The following KCNN2 variants were observed in gnomAD, a reference collection of about 807,000 sequenced individuals.
KCNN2 encodes potassium calcium-activated channel subfamily N member 2.
In KCNN2, 24 loss-of-function variants were observed where a neutral mutation model predicts 55.5. The observed-to-expected ratio is 0.43, with a 90% CI of 0.31 to 0.61. The LOEUF is 0.61. Among genes scored for constraint, KCNN2 ranks in the 20% least tolerant of loss-of-function variants. The pLI is 0.08. For synonymous variants in KCNN2, 431 were observed against 336.1 expected, an observed-to-expected ratio of 1.28 and a Z score of -3.09; for missense variants, 754 against 853.6, an observed-to-expected ratio of 0.88 and a Z score of 1.45.
intron 2 of KCNN2, 52 bp from the exon 3 acceptor site, chr5:114,404,386 T>C: frequency 6.8e-7 from 1 of 1,462,936 alleles, no homozygotes. Context: ...GCACTAACAC[T>C]TGTGGACCAT....
intron 2 of KCNN2, among the ~76,000 whole-genome samples, chr5:114,246,062 A>G (rs2112621202): frequency 6.6e-6 from 1 of 152,308 alleles, no homozygotes; most frequent in Non-Finnish European, 1.5e-5. Context: ...TCAGTACAGT[A>G]CCATGACTTT....
intron 2 of KCNN2, among the ~76,000 whole-genome samples, chr5:114,379,979 TTA>T (rs1758066805): frequency 6.6e-6 from 1 of 150,858 alleles, no homozygotes; most frequent in African/African-American, 2.4e-5. Context: ...AATTAATGTG[TTA>T]TACATGTCAT....
At chr5:114,134,348 G>T (rs1327337241) in intron 1 of KCNN2, among the ~76,000 whole-genome samples, 1 of 151,162 alleles carries the variant, frequency 6.6e-6, no homozygotes, top group African/African-American at 2.4e-5. Context: ...TTTTTTTCTG[G>T]TAAGTATAAG....
chr5:114,153,029 C>T (rs996580360), intron 1 of KCNN2, among the ~76,000 whole-genome samples: 5 of 152,088 alleles, frequency 3.3e-5, no homozygotes, highest in Admixed American at 6.6e-5. Flanking sequence ...TTCATATTGA[C>T]GAGATAAGAT....
intron 2 of KCNN2, among the ~76,000 whole-genome samples, chr5:114,393,651 C>G (rs1225789785): frequency 6.6e-6 from 1 of 152,044 alleles, no homozygotes; most frequent in Non-Finnish European, 1.5e-5. Flanking sequence ...CCACTCAGTT[C>G]ACCTTCCCTA....
At chr5:114,137,321 A>T (rs1397755871) in intron 1 of KCNN2, among the ~76,000 whole-genome samples, 3 of 152,116 alleles carry the variant, frequency 2.0e-5, no homozygotes, top group South Asian at 2.1e-4. Context: ...TATTTCTTAA[A>T]ACTCGATGGG....
intron 2 of KCNN2, among the ~76,000 whole-genome samples, chr5:114,338,354 G>A (rs959459781): frequency 6.6e-6 from 1 of 152,098 alleles, no homozygotes; most frequent in African/African-American, 2.4e-5. Context: ...CAAATAAATA[G>A]AATATTCTTA....
intron 1 of KCNN2, among the ~76,000 whole-genome samples, chr5:114,133,374 A>G (rs1752108865): frequency 6.6e-6 from 1 of 152,202 alleles, no homozygotes; most frequent in African/African-American, 2.4e-5. Flanking sequence ...TATAATGATA[A>G]TAGTAGTTGT....
At chr5:114,140,883 G>C (rs1224802405) in intron 1 of KCNN2, among the ~76,000 whole-genome samples, 3 of 151,224 alleles carry the variant, frequency 2.0e-5, no homozygotes, top group African/African-American at 7.3e-5. Context: ...CCACCTCCCG[G>C]GTTGAATCAA....
intron 1 of KCNN2, among the ~76,000 whole-genome samples, chr5:114,201,341 G>C (rs1753669881): frequency 6.6e-6 from 1 of 152,118 alleles, no homozygotes; most frequent in African/African-American, 2.4e-5. Context: ...AGTGGCTGCA[G>C]CTGCCTCATC....
At chr5:114,322,340 C>T (rs970870327) in intron 2 of KCNN2, among the ~76,000 whole-genome samples, 5 of 152,116 alleles carry the variant, frequency 3.3e-5, no homozygotes, top group Non-Finnish European at 7.4e-5. Flanking sequence ...TTGTAATGAT[C>T]TTTGACTAAA....
intron 1 of KCNN2, among the ~76,000 whole-genome samples, chr5:114,113,923 C>A (rs1482004370): frequency 6.6e-6 from 1 of 152,004 alleles, no homozygotes; most frequent in Non-Finnish European, 1.5e-5. Context: ...TCCTTCAGTT[C>A]AAAGTAATCC....
chr5:114,285,048 T>C (rs1434720089), intron 2 of KCNN2, among the ~76,000 whole-genome samples: 1 of 151,284 alleles, frequency 6.6e-6, no homozygotes, highest in Admixed American at 6.6e-5. Flanking sequence ...TTTGGGAGGC[T>C]GAGGCGGGCG....
chr5:114,200,768 C>T (rs149733730), intron 1 of KCNN2, among the ~76,000 whole-genome samples: 4 of 151,836 alleles, frequency 2.6e-5, no homozygotes, highest in East Asian at 1.9e-4. Context: ...GTGATATTTG[C>T]GTGAGTTCTT....
intron 2 of KCNN2, among the ~76,000 whole-genome samples, chr5:114,314,275 G>T (rs1756457648): frequency 6.6e-6 from 1 of 152,096 alleles, no homozygotes; most frequent in Non-Finnish European, 1.5e-5. Context: ...TTAACACCTT[G>T]CACTGGTGTG....
intron 4 of KCNN2, among the ~76,000 whole-genome samples, chr5:114,467,896 A>T (rs543295181): frequency 6.6e-6 from 1 of 152,272 alleles, no homozygotes; most frequent in East Asian, 1.9e-4. Flanking sequence ...GTTGCTAATC[A>T]GGAGATTTAA....
At chr5:114,141,666 C>A (rs1027542242) in intron 1 of KCNN2, among the ~76,000 whole-genome samples, 1 of 152,146 alleles carries the variant, frequency 6.6e-6, no homozygotes, top group African/African-American at 2.4e-5. Context: ...ATGGCTGGGT[C>A]AAATGGTATT....
chr5:114,391,954 G>C (rs927177440), intron 2 of KCNN2, among the ~76,000 whole-genome samples: 3 of 152,100 alleles, frequency 2.0e-5, no homozygotes, highest in African/African-American at 7.2e-5. Flanking sequence ...TGGAGGAAGG[G>C]AAAGAAGAGG....
intron 4 of KCNN2, among the ~76,000 whole-genome samples, chr5:114,468,316 ATTAT>A (rs1464954698): frequency 6.6e-6 from 1 of 152,088 alleles, no homozygotes; most frequent in Non-Finnish European, 1.5e-5. Flanking sequence ...TGAAAGAATA[ATTAT>A]TTATGTCAGT....
Sources: allele counts gnomAD v4.1 joint callset (sites outside exome capture counted in the v4.1 genomes callset), GRCh38; gene constraint gnomAD v4.1.1; transcripts MANE v1.5; gene names NCBI Gene and HGNC (gene_info 2026-07-23, HGNC 2026-07-21).